Variants in CAPRIN2 observed in about 807,000 individuals in gnomAD.
CAPRIN2 encodes caprin-2.
Under a neutral mutation model 130.4 loss-of-function variants are expected in CAPRIN2, and 66 were observed. The observed-to-expected ratio is 0.51, with a 90% CI of 0.42 to 0.62. CAPRIN2 has a LOEUF of 0.62. CAPRIN2 is among the 20% of genes least tolerant of loss of function. CAPRIN2 has a pLI of 0.00. For missense variants in CAPRIN2, 1,185 were observed against 1,246.6 expected, an observed-to-expected ratio of 0.95 and a Z score of 0.74; for synonymous variants, 471 against 444.1, an observed-to-expected ratio of 1.06 and a Z score of -0.76.
intron 6 of CAPRIN2, among the ~76,000 whole-genome samples, 176 bp from the exon 8 acceptor site, chr12:30,730,458 T>A (rs1382039173): frequency 1.3e-5 from 2 of 152,240 alleles, no homozygotes; most frequent in African/African-American, 4.8e-5. Context: ...CCAAAGCATG[T>A]GGTCTGAGGC....
intron 5 of CAPRIN2, among the ~76,000 whole-genome samples, chr12:30,733,173 A>G (rs1003595376): frequency 5.9e-5 from 9 of 152,162 alleles, no homozygotes; most frequent in African/African-American, 2.2e-4. Context: ...GCAAGCCAAA[A>G]GAACTCTCTT....
At chr12:30,746,054 G>A (rs1177862543) in intron 2 of CAPRIN2, among the ~76,000 whole-genome samples, 1 of 152,134 alleles carries the variant, frequency 6.6e-6, no homozygotes, top group African/African-American at 2.4e-5. Flanking sequence ...AGAGAAGCAG[G>A]CACAGATAGT....
chr12:30,711,886 G>A (rs2054878208), intron 15 of CAPRIN2: 2 of 608,100 alleles, frequency 3.3e-6, no homozygotes, highest in South Asian at 3.1e-5. Context: ...AAAGCACTTG[G>A]AGAATACTAT....
chr12:30,724,448 A>C (rs370136687), exon 10 of CAPRIN2: 1 of 1,600,362 alleles, frequency 6.2e-7, no homozygotes, highest in Non-Finnish European at 8.6e-7. Flanking sequence ...TCAAGAACAG[A>C]CTCCTAAAGA....
chr12:30,746,031 G>A (rs2070060172), intron 2 of CAPRIN2, among the ~76,000 whole-genome samples: 1 of 152,090 alleles, frequency 6.6e-6, no homozygotes, highest in Non-Finnish European at 1.5e-5. Flanking sequence ...TTTTCAAAGA[G>A]GTCCCACCTC....
At chr12:30,742,154 T>C (rs931133652) in intron 2 of CAPRIN2, among the ~76,000 whole-genome samples, 3 of 152,158 alleles carry the variant, frequency 2.0e-5, no homozygotes, top group Non-Finnish European at 4.4e-5. Context: ...AAAATTAGAC[T>C]GTGCTACCAG....
rs144203798 is a variant in CAPRIN2, at chr12:30,727,201, T to C, written c.1783-1113A>G. Among the ~76,000 whole-genome samples the C allele has an allele frequency of 7.4e-4, 113 of 152,294 alleles. 2 individuals carry two copies. In the East Asian group the frequency reaches 0.017, roughly 22 times the overall value. On this transcript the variant is annotated intron_variant, in intron 8 of 16. Transcript: ENST00000298892. ...ATTAAATTGGGTTTTTAAATGTTTT[T>C]CAAAATAGTTACATTACAGTTACTG...
At chr12:30,746,547 A>G (rs930401063) in intron 2 of CAPRIN2, among the ~76,000 whole-genome samples, 2 of 152,228 alleles carry the variant, frequency 1.3e-5, no homozygotes, top group Non-Finnish European at 2.9e-5. Context: ...AGATGGTGAT[A>G]GTGGAAGAGG....
intron 12 of CAPRIN2, among the ~76,000 whole-genome samples, chr12:30,717,788 C>A (rs997413081): frequency 3.3e-5 from 5 of 152,032 alleles, no homozygotes; most frequent in African/African-American, 1.2e-4. Flanking sequence ...TACCACGTGG[C>A]AAGCAACGAT....
chr12:30,731,315 A>AT, intron 6 of CAPRIN2, 28 bp downstream of exon 7: 1 of 1,595,852 alleles, frequency 6.3e-7, no homozygotes, highest in Non-Finnish European at 8.6e-7. Flanking sequence ...TGCAACCACT[A>AT]TAAGGATTTT....
exon 13 of CAPRIN2, chr12:30,716,642 T>G: frequency 1.2e-6 from 2 of 1,613,976 alleles, no homozygotes. Context: ...TTCTTGTTCT[T>G]TTCGTGGAGG....
chr12:30,719,726 A>C (rs1414977356), intron 12 of CAPRIN2: 2 of 152,268 alleles, frequency 1.3e-5, no homozygotes, highest in African/African-American at 4.8e-5. Context: ...AGTTCTTGAC[A>C]TAACAGATTA....
At chr12:30,719,164 T>C (rs1222526537) in intron 12 of CAPRIN2, 1 of 1,613,992 alleles carries the variant, frequency 6.2e-7, no homozygotes, top group Non-Finnish European at 8.5e-7. Flanking sequence ...TTCAGAGCCC[T>C]TTGCCATGGG....
At chr12:30,714,811 T>C (rs980026769) in intron 14 of CAPRIN2, 148 bp downstream of exon 16, 5 of 554,838 alleles carry the variant, frequency 9.0e-6, no homozygotes, top group African/African-American at 3.7e-5. Flanking sequence ...AGAATAGGTA[T>C]ATTAAAAATA....
chr12:30,711,793 C>A (rs779151206), intron 15 of CAPRIN2, 164 bp from the exon 18 acceptor site: 2 of 706,182 alleles, frequency 2.8e-6, no homozygotes, highest in South Asian at 3.0e-5. Context: ...CTAAGAAAAA[C>A]AAAGCAAGGG....
intron 2 of CAPRIN2, among the ~76,000 whole-genome samples, chr12:30,742,832 T>C (rs2068152417): frequency 6.6e-6 from 1 of 152,190 alleles, no homozygotes; most frequent in Non-Finnish European, 1.5e-5. Flanking sequence ...TGCTTTATTA[T>C]GTGTTTTAAC....
At chr12:30,734,540 T>G (rs963821829) in intron 4 of CAPRIN2, among the ~76,000 whole-genome samples, 1 of 152,196 alleles carries the variant, frequency 6.6e-6, no homozygotes, top group African/African-American at 2.4e-5. Context: ...TTTGAAAGTT[T>G]AATGACACCA....
rs144558186 is a variant in CAPRIN2, at chr12:30,736,191, G to A, written c.571-985C>T. On this transcript the variant is annotated intron_variant, in intron 3 of 16. Transcript: ENST00000298892. ...CTCCAACAATTTGTGTACATAGATT[G>A]AGCAGCCCTAGATCTGCTCTAAAGC... Among the ~76,000 whole-genome samples, 32 of 150,644 alleles carry A rather than the reference G, an allele frequency of 2.1e-4. No homozygotes were observed. In the East Asian group the frequency reaches 5.8e-3, roughly 27 times the overall value.
intron 13 of CAPRIN2, chr12:30,715,364 T>C: frequency 1.6e-6 from 1 of 617,486 alleles, no homozygotes; most frequent in South Asian, 1.6e-5. Flanking sequence ...TTTTGACCCA[T>C]GCTACAACAT....
Sources: gnomAD v4.1 joint callset for allele counts (sites outside exome capture counted in the v4.1 genomes callset) on GRCh38, gnomAD v4.1.1 for gene constraint, MANE v1.5 for transcripts, NCBI Gene and HGNC (gene_info 2026-07-23, HGNC 2026-07-21) for gene names.